The following STAG3 variants were observed in gnomAD, a reference collection of about 807,000 sequenced individuals.
STAG3 encodes the protein STAG3 cohesin complex component.
In STAG3, 101 loss-of-function variants were observed where a neutral mutation model predicts 160.7. That is an observed-to-expected ratio of 0.63 (90% CI 0.54 to 0.74). The LOEUF (loss-of-function observed/expected upper bound fraction) is 0.74. Among genes scored for constraint, STAG3 ranks in the 30% least tolerant of loss-of-function variants. The pLI is 0.00. For missense variants in STAG3, 1,188 were observed against 1,517.4 expected, an observed-to-expected ratio of 0.78 and a Z score of 3.61; for synonymous variants, 519 against 585.0, an observed-to-expected ratio of 0.89 and a Z score of 1.63.
rs542440953 is a variant in STAG3 at position 100,195,236 on chromosome 7, T to C, written c.868-73T>C. 5 of 1,372,886 alleles carry C rather than the reference T, an allele frequency of 3.6e-6. No individual in the cohort carries two copies. The African/African-American group carries it at 7.1e-5, about 20-fold the overall frequency. The allele number at this position is 1,372,886 out of a possible 1,614,324, so 85.0% of individuals were successfully genotyped here. On this transcript the variant is annotated intron_variant, in intron 8 of 33. Transcript: ENST00000615138. ...AACAGGAAGTAGGTGGAAGTTGTAG[T>C]TTTTCTGTATCTTCAGGGCCTTATG...
At chr7:100,213,839 T>G in intron 33 of STAG3, 33 bp downstream of exon 33, 1 of 1,614,200 alleles carries the variant, frequency 6.2e-7, no homozygotes, top group Non-Finnish European at 8.5e-7. Flanking sequence ...TTATGTATCC[T>G]TCGGAAATGC....
intron 22 of STAG3, 22 bp downstream of exon 22, chr7:100,201,888 G>A: frequency 1.2e-6 from 2 of 1,614,032 alleles, no homozygotes; most frequent in South Asian, 2.2e-5. Flanking sequence ...TCTTAGATGG[G>A]ATAATGGGAA....
At position 100,207,382 on chromosome 7, in the gene STAG3, T is replaced by C. The variant is rs1259322709; in HGVS notation, c.3238+1998T>C. ...TTCTCCATGTTGTCACCGGTACTTA[T>C]TAATGTCTTTTTTTATTTTATCCAT... On this transcript the variant is annotated intron_variant, in intron 29 of 33. Coordinates refer to ENST00000615138, the MANE Select transcript of STAG3 (RefSeq NM_001282717.2). The surrounding 1 kb of genome is among the most constrained non-coding windows in gnomAD (Gnocchi z 4.0). 1.3e-5 allele frequency among the ~76,000 whole-genome samples: 2 copies of C among 152,214 alleles called. No homozygotes were observed.
chr7:100,201,421 C>T (rs544861588), intron 21 of STAG3, 70 bp downstream of exon 21: 1 of 1,388,048 alleles, frequency 7.2e-7, no homozygotes, highest in Non-Finnish European at 1.0e-6. Flanking sequence ...TTCTAGGTGG[C>T]CACTAGGTGT....
Position 100,211,485 on chromosome 7 carries a change from A to G in STAG3, c.3464A>G (p.Tyr1155Cys), listed in dbSNP as rs1378666804. 1 of 1,613,130 alleles carries G rather than the reference A, an allele frequency of 6.2e-7. No individual in the cohort carries two copies. ...AGGTCAAGGTTCTTGGGTCCACAAT[A>G]TTTCCAGACTCCACACAACCCTTCA... ...TERSRFLGPQ[Y>C]FQTPHNPSGP... is the part of the protein sequence containing the mutation. The change falls in exon 31 of 34, where the codon TAT (tyrosine) becomes TGT (cysteine). Residue 1155 changes from tyrosine to cysteine, a missense_variant. Coordinates refer to ENST00000615138, the MANE Select transcript of STAG3 (RefSeq NM_001282717.2).
Position 100,205,217 on chromosome 7 carries a change from T to G in STAG3, c.3081-10T>G, listed in dbSNP as rs1277516475. On this transcript the variant is annotated splice_polypyrimidine_tract_variant and intron_variant, in intron 28 of 33. Coordinates refer to ENST00000615138, the MANE Select transcript of STAG3 (RefSeq NM_001282717.2). Reference sequence around the variant, plus strand: ...GCCCCTTCAGGCTTTTGGTTCTACCTCTTTCATAGACTGTCCTATCTAGAA... The same window carrying G: ...GCCCCTTCAGGCTTTTGGTTCTACCGCTTTCATAGACTGTCCTATCTAGAA... 1 of 1,613,708 alleles carries G rather than the reference T, an allele frequency of 6.2e-7. No homozygotes were observed. The highest frequency in any genetic ancestry group is 1.1e-5 in the South Asian group (1 of 91,058).
intron 1 of STAG3, among the ~76,000 whole-genome samples, chr7:100,179,943 C>A (rs1408867570): frequency 2.6e-5 from 4 of 152,222 alleles, no homozygotes; most frequent in Non-Finnish European, 5.9e-5. Flanking sequence ...CCATGTTGGT[C>A]AGGCTGGTCT....
At chr7:100,217,778 T>C (rs1355345926), downstream of STAG3, among the ~76,000 whole-genome samples, 2 of 152,180 alleles carry the variant, frequency 1.3e-5, no homozygotes, top group Non-Finnish European at 2.9e-5. Context: ...TCATTACTTC[T>C]TCTATGCTCT....
In STAG3 at chr7:100,203,876, A is replaced by G. The variant is rs1801382838; in HGVS notation, c.2701-145A>G. On this transcript the variant is annotated intron_variant, in intron 25 of 33. Coordinates refer to ENST00000615138, the MANE Select transcript of STAG3 (RefSeq NM_001282717.2). ...CTTTGCACCTGTTGATTAGAGATGAAGTCTAGTCTGAATTATTTTATGCTT... is the reference window on the plus strand; with the variant it reads ...CTTTGCACCTGTTGATTAGAGATGAGGTCTAGTCTGAATTATTTTATGCTT... The G allele has an allele frequency of 6.9e-6, 4 of 579,420 alleles. No homozygotes were observed. In the East Asian group the frequency reaches 1.2e-4, roughly 17 times the overall value. The allele number at this position is 579,420 out of a possible 1,614,324, so 35.9% of individuals were successfully genotyped here.
chr7:100,216,295 GT>G (rs1181660905), downstream of STAG3, among the ~76,000 whole-genome samples: 1 of 151,726 alleles, frequency 6.6e-6, no homozygotes, highest in African/African-American at 2.4e-5. Flanking sequence ...ATTTGTATCA[GT>G]TTTTTAAAAA....
At chr7:100,210,879 G>C (rs111572536) in intron 29 of STAG3, 132 bp from the exon 30 acceptor site, 17 of 968,650 alleles carry the variant, frequency 1.8e-5, no homozygotes, top group African/African-American at 1.3e-4. Flanking sequence ...GAGGGCAACA[G>C]AATGAAGCTG....
intron 15 of STAG3, 44 bp from the exon 16 acceptor site, chr7:100,199,497 G>C (rs1800931229): frequency 6.4e-7 from 1 of 1,571,574 alleles, no homozygotes; most frequent in African/African-American, 1.3e-5. Flanking sequence ...GTTGGAAGGT[G>C]GCTAATCTTT....
intron 2 of STAG3, 86 bp from the exon 3 acceptor site, chr7:100,182,004 G>T: frequency 1.1e-6 from 1 of 930,584 alleles, no homozygotes; most frequent in Non-Finnish European, 1.7e-6. Flanking sequence ...GGGGTGCGGT[G>T]AGAGACAGAG....
In STAG3 at chr7:100,189,480, C is replaced by G; in HGVS notation, c.751C>G (p.Leu251Val). Reference protein sequence around the residue: ...KLMTSLVKVALQLSVHQDNNQ... With the variant: ...KLMTSLVKVAVQLSVHQDNNQ... ...GATGACCTCCCTGGTAAAAGTTGCC[C>G]TCCAACTGAGTGTGCACCAAGATAA... Residue 251 changes from leucine (L) to valine (V), a missense_variant, in exon 8 of 34, where the codon CTC (leucine) becomes GTC (valine). Physicochemically the swap from Leu to Val is conservative, Grantham distance 32. This residue lies in a region of STAG3 where 296 missense variants were observed against 404.0 expected (regional missense o/e 0.73). Coordinates refer to ENST00000615138, the MANE Select transcript of STAG3 (RefSeq NM_001282717.2). 6.2e-7 allele frequency: 1 copy of G among 1,613,960 alleles called. No homozygotes were observed. The highest frequency in any genetic ancestry group is 8.5e-7 in the Non-Finnish European group (1 of 1,179,976).
Position 100,201,141 on chromosome 7 carries a change from C to A in STAG3, c.2113C>A (p.Arg705Ser). The A allele has an allele frequency of 6.2e-7, 1 of 1,614,232 alleles. No homozygotes were observed. Among genetic ancestry groups the A allele is most frequent in the Non-Finnish European group, 8.5e-7 (1 of 1,180,046 alleles). ...ATATAATCTGGCAGCCACTCTGAAA[C>A]GCCTCTCTGCCTTCTACAAGTGAGT... ...EVYNLAATLK[R>S]LSAFYNTHDL... Residue 705 changes from arginine (R) to serine (S), a missense_variant, in exon 20 of 34, where the codon CGC becomes AGC. This residue lies in a region of STAG3 where 647 missense variants were observed against 717.2 expected (regional missense o/e 0.90). Coordinates refer to ENST00000615138, the MANE Select transcript of STAG3 (RefSeq NM_001282717.2).
chr7:100,213,968 G>T (rs1365621790), intron 33 of STAG3, 39 bp from the exon 34 acceptor site: 2 of 1,614,036 alleles, frequency 1.2e-6, no homozygotes, highest in Admixed American at 3.3e-5. Flanking sequence ...TTGGCCCGTT[G>T]CTGTGTCCTG....
intron 32 of STAG3, 67 bp from the exon 33 acceptor site, chr7:100,213,668 T>A (rs988007799): frequency 2.5e-6 from 4 of 1,610,732 alleles, no homozygotes. Context: ...AAGGAACTGG[T>A]TTTTTTATTT....
chr7:100,183,723 T>C (rs1430744693), intron 4 of STAG3, among the ~76,000 whole-genome samples: 2 of 152,236 alleles, frequency 1.3e-5, no homozygotes, highest in African/African-American at 4.8e-5. Flanking sequence ...GTGTTAATCT[T>C]TCTCATCTCT....
rs954174145 is a variant in STAG3 at position 100,207,679 on chromosome 7, G to A, written c.3238+2295G>A. Among the ~76,000 whole-genome samples the A allele has an allele frequency of 1.3e-5, 2 of 152,040 alleles. No homozygotes were observed. The highest frequency in any genetic ancestry group is 2.4e-5 in the African/African-American group (1 of 41,388). ...TGGGTTGTCTTTTCGTGTTATTGGTGGTGTCCTTTGAAACACAAAAGTTCT... is the reference window on the plus strand; with the variant it reads ...TGGGTTGTCTTTTCGTGTTATTGGTAGTGTCCTTTGAAACACAAAAGTTCT... On this transcript the variant is annotated intron_variant, in intron 29 of 33. Coordinates refer to ENST00000615138, the MANE Select transcript of STAG3 (RefSeq NM_001282717.2). This position sits in a 1 kb window ranked among gnomAD's most constrained non-coding sequence, Gnocchi z 4.0.
Sources: gnomAD v4.1 joint callset for allele counts (sites outside exome capture counted in the v4.1 genomes callset) on GRCh38, gnomAD v4.1.1 for gene constraint, gnomAD v4.1.1 regional missense constraint, Gnocchi (gnomAD v3.1) non-coding constraint, MANE v1.5 for transcripts, NCBI Gene and HGNC (gene_info 2026-07-23, HGNC 2026-07-21) for gene names.